The following MYO3B variants were observed in gnomAD, a reference collection of about 807,000 sequenced individuals.
MYO3B encodes the protein myosin IIIB.
In MYO3B, 156 loss-of-function variants were observed where a neutral mutation model predicts 174.6. The observed-to-expected ratio is 0.89, with a 90% CI of 0.78 to 1.02. The LOEUF (loss-of-function observed/expected upper bound fraction) is 1.02. Ranked by LOEUF, MYO3B falls within the 50% of genes least tolerant of loss-of-function variation. The probability of loss-of-function intolerance (pLI) is 0.00; values close to 1 mark genes in which losing one functional copy is unlikely to be tolerated. For missense variants in MYO3B, 1,632 were observed against 1,639.4 expected (o/e 1.00, Z 0.08); for synonymous variants, 563 against 569.1 (o/e 0.99, Z 0.15).
At chr2:170,332,196 T>C (rs543112011) in intron 7 of MYO3B, 1 of 152,264 alleles carries the variant, frequency 6.6e-6, no homozygotes, top group Admixed American at 6.5e-5. Context: ...GAAAGGAAGA[T>C]GTTTGGTTTT....
intron 8 of MYO3B, among the ~76,000 whole-genome samples, chr2:170,341,654 T>A (rs2093977344): frequency 6.6e-6 from 1 of 152,042 alleles, no homozygotes; most frequent in Admixed American, 6.6e-5. Context: ...ACACAAAAAA[T>A]AAGTTAACCC....
At chr2:170,327,888 T>C (rs2093880846) in intron 7 of MYO3B, among the ~76,000 whole-genome samples, 1 of 38,762 alleles carries the variant, frequency 2.6e-5, no homozygotes, top group Non-Finnish European at 8.8e-5. Flanking sequence ...CTATATATAG[T>C]ATATATATAT....
At chr2:170,545,374 A>T (rs982536000) in intron 32 of MYO3B, among the ~76,000 whole-genome samples, 3 of 152,232 alleles carry the variant, frequency 2.0e-5, no homozygotes, top group Admixed American at 2.0e-4. Context: ...AGCTAGTGTA[A>T]GTAAAAGGCA....
intron 21 of MYO3B, among the ~76,000 whole-genome samples, chr2:170,407,243 C>T (rs2094515717): frequency 6.6e-6 from 1 of 151,822 alleles, no homozygotes; most frequent in East Asian, 1.9e-4. Context: ...GGGTGGATCA[C>T]GAGGTCAGGA....
At chr2:170,220,969 A>G (rs894766826) in intron 6 of MYO3B, among the ~76,000 whole-genome samples, 1 of 152,148 alleles carries the variant, frequency 6.6e-6, no homozygotes, top group African/African-American at 2.4e-5. Flanking sequence ...ATTTTTTCCA[A>G]CAAAGTCTCT....
chr2:170,479,957 G>A (rs1377502101), intron 25 of MYO3B, among the ~76,000 whole-genome samples: 1 of 147,702 alleles, frequency 6.8e-6, no homozygotes, highest in Non-Finnish European at 1.5e-5. Context: ...AACCATATAT[G>A]TGTATATATG....
intron 22 of MYO3B, among the ~76,000 whole-genome samples, chr2:170,420,305 G>T (rs1340755155): frequency 2.0e-5 from 3 of 152,116 alleles, no homozygotes; most frequent in African/African-American, 7.2e-5. Context: ...ACTATGCTAC[G>T]GTTAAGGAGC....
At chr2:170,436,887 C>A (rs13393912) in intron 22 of MYO3B, among the ~76,000 whole-genome samples, 1 of 152,146 alleles carries the variant, frequency 6.6e-6, no homozygotes, top group East Asian at 1.9e-4. Context: ...AGATTTGGTG[C>A]GATTTCCTGG....
chr2:170,397,847 C>T (rs1313743343), intron 16 of MYO3B, among the ~76,000 whole-genome samples: 1 of 152,142 alleles, frequency 6.6e-6, no homozygotes, highest in Admixed American at 6.6e-5. Flanking sequence ...CCCACAATTC[C>T]CTCCTCAGGT....
chr2:170,460,007 C>A (rs1267372276), intron 23 of MYO3B, among the ~76,000 whole-genome samples: 1 of 152,112 alleles, frequency 6.6e-6, no homozygotes, highest in Non-Finnish European at 1.5e-5. Flanking sequence ...GTACCTCTCC[C>A]TCTTTACCTC....
At chr2:170,462,561 C>A (rs1559025008) in intron 23 of MYO3B, among the ~76,000 whole-genome samples, 1 of 152,394 alleles carries the variant, frequency 6.6e-6, no homozygotes, top group East Asian at 1.9e-4. Context: ...GTCCACCCAG[C>A]CTAACCCACA....
intron 25 of MYO3B, among the ~76,000 whole-genome samples, chr2:170,492,236 G>A (rs569520464): frequency 1.3e-5 from 2 of 152,316 alleles, no homozygotes; most frequent in East Asian, 3.9e-4. Context: ...ACTGGGCACT[G>A]TTCCTTCTAA....
intron 32 of MYO3B, among the ~76,000 whole-genome samples, chr2:170,561,284 G>A (rs1691695747): frequency 6.6e-6 from 1 of 152,172 alleles, no homozygotes. Context: ...ATGACCAGAA[G>A]GGACAACCTG....
chr2:170,571,275 G>A (rs1692419652), intron 32 of MYO3B, among the ~76,000 whole-genome samples: 1 of 152,170 alleles, frequency 6.6e-6, no homozygotes, highest in African/African-American at 2.4e-5. Flanking sequence ...ATATTATTAT[G>A]TTGTTATGTA....
intron 7 of MYO3B, among the ~76,000 whole-genome samples, chr2:170,269,419 A>AT (rs1206177823): frequency 2.6e-5 from 4 of 151,948 alleles, no homozygotes; most frequent in Non-Finnish European, 5.9e-5. Flanking sequence ...TTATGCTTCC[A>AT]TTTTTTTTCC....
chr2:170,356,774 T>G (rs187620950), intron 8 of MYO3B, among the ~76,000 whole-genome samples: 1 of 152,254 alleles, frequency 6.6e-6, no homozygotes, highest in African/African-American at 2.4e-5. Context: ...TATTTTTATT[T>G]TTATCTTTAA....
chr2:170,528,201 T>C (rs987451926), intron 30 of MYO3B, among the ~76,000 whole-genome samples: 6 of 152,232 alleles, frequency 3.9e-5, no homozygotes, highest in African/African-American at 1.4e-4. Context: ...AAAAATAAGC[T>C]CCAAGTTTGG....
At chr2:170,246,895 TA>T (rs1195988059) in intron 7 of MYO3B, among the ~76,000 whole-genome samples, 3 of 152,124 alleles carry the variant, frequency 2.0e-5, no homozygotes, top group East Asian at 1.9e-4. Context: ...AGGAGAGTCC[TA>T]GGGGTGGGTA....
intron 30 of MYO3B, among the ~76,000 whole-genome samples, chr2:170,539,096 G>T (rs1689912177): frequency 6.6e-6 from 1 of 152,192 alleles, no homozygotes; most frequent in Non-Finnish European, 1.5e-5. Context: ...ATCCGATCTA[G>T]AATGTTACAG....
Sources: gnomAD v4.1 joint callset for allele counts (sites outside exome capture counted in the v4.1 genomes callset) on GRCh38, gnomAD v4.1.1 for gene constraint, MANE v1.5 for transcripts, NCBI Gene and HGNC (gene_info 2026-07-23, HGNC 2026-07-21) for gene names.